NTSR2: variants seen among roughly 807,000 people sequenced by gnomAD.
The protein encoded by NTSR2 is neurotensin receptor type 2.
A neutral mutation model predicts 24.1 loss-of-function variants in NTSR2; 22 were observed. That is an observed-to-expected ratio of 0.91 (90% confidence interval 0.65 to 1.30). NTSR2 has a LOEUF of 1.30. Among genes scored for constraint, NTSR2 ranks in the 50% most tolerant of loss-of-function variants. The pLI, the probability that NTSR2 is intolerant of heterozygous loss-of-function variation, is 0.00. For missense variants in NTSR2, 570 were observed against 570.4 expected, an observed-to-expected ratio of 1.00 and a Z score of 0.01; for synonymous variants, 291 against 267.0, an observed-to-expected ratio of 1.09 and a Z score of -0.88.
chr2:11,669,934 C>A lies in NTSR2; in HGVS notation c.196G>T (p.Gly66Trp). The change falls in exon 1 of 4, where the codon GGG (glycine) becomes TGG (tryptophan). Residue 66 changes from glycine (G) to tryptophan (W), a missense_variant. Physicochemically the swap from Gly to Trp is radical, Grantham distance 184. Coordinates refer to ENST00000306928, the MANE Select transcript of NTSR2 (RefSeq NM_012344.4). ...CTGAGCACGTGGTGGCGCAGGCGCC[C>A]CGCGCGCCCGGCCCGCGCCTTCAGC... ...VVLKARAGRA[G>W]RLRHHVLSLA... The A allele has an allele frequency of 6.6e-7, 1 of 1,523,298 alleles. No homozygotes were observed. Among genetic ancestry groups the A allele is most frequent in the East Asian group, 2.5e-5 (1 of 40,482 alleles). 94.4% of individuals were successfully genotyped at this position (1,523,298 alleles called of 1,614,324 possible). A position where few individuals can be genotyped will look rare whatever the true frequency, so the allele number is the denominator to read the frequency against.
At chr2:11,667,571 C>T (rs917091710) in intron 1 of NTSR2, among the ~76,000 whole-genome samples, 1 of 152,208 alleles carries the variant, frequency 6.6e-6, no homozygotes, top group Non-Finnish European at 1.5e-5. Flanking sequence ...TCTCGAACTC[C>T]TGGCCTCAAC....
chr2:11,668,721 T>C (rs1661256584), intron 1 of NTSR2, among the ~76,000 whole-genome samples: 1 of 152,210 alleles, frequency 6.6e-6, no homozygotes, highest in South Asian at 2.1e-4. Flanking sequence ...CAGAGGACAC[T>C]GGCTTGTAGA....
At chr2:11,659,527 G>A (rs192665897) in intron 3 of NTSR2, among the ~76,000 whole-genome samples, 9 of 152,338 alleles carry the variant, frequency 5.9e-5, no homozygotes, top group East Asian at 1.9e-4. Flanking sequence ...CTGGGACCTC[G>A]ATTCTTTTGG....
intron 1 of NTSR2, among the ~76,000 whole-genome samples, chr2:11,664,129 A>ATT (rs36027827): frequency 0.49 from 70,421 of 143,266 alleles, 18,147 homozygotes; most frequent in South Asian, 0.64. Flanking sequence ...AACACTGAGC[A>ATT]TTTTTTTTTT....
Position 11,669,790 on chromosome 2 carries a change from C to T in NTSR2, c.340G>A (p.Val114Met), listed in dbSNP as rs1239619219. ...GDLGCRGYYF[V>M]HELCAYATVL... is the part of the protein sequence containing the mutation. ...GTGGCGTAGGCGCACAGCTCGTGCA[C>T]GAAGTAGTAGCCGCGGCAGCCCAGG... Residue 114 changes from valine (V) to methionine (M), a missense_variant, in exon 1 of 4, where the codon GTG becomes ATG. Coordinates refer to ENST00000306928, the MANE Select transcript of NTSR2 (RefSeq NM_012344.4). The T allele has an allele frequency of 6.4e-7, 1 of 1,555,874 alleles. No individual in the cohort carries two copies.
intron 1 of NTSR2, among the ~76,000 whole-genome samples, chr2:11,664,477 G>C (rs1661152488): frequency 6.6e-6 from 1 of 152,108 alleles, no homozygotes; most frequent in South Asian, 2.1e-4. Flanking sequence ...ATTGGACCCT[G>C]TGCCTTTTTA....
chr2:11,669,460 G>GGGGGGGGGGGGCCCCCCCCCCC, intron 1 of NTSR2, 46 bp downstream of exon 1: 8 of 254,722 alleles, frequency 3.1e-5, no homozygotes, highest in East Asian at 1.1e-4. Flanking sequence ...TCCCAGCACC[G>GGGGGGGGGGGGCCCCCCCCCCC]CCCCCCCACC....
At chr2:11,669,462 C>CGGGGG in intron 1 of NTSR2, 44 bp downstream of exon 1, 1 of 155,788 alleles carries the variant, frequency 6.4e-6, no homozygotes, top group East Asian at 1.7e-4. Context: ...CCAGCACCGC[C>CGGGGG]CCCCCACCCC....
chr2:11,662,637 T>C (rs962704024), intron 1 of NTSR2, among the ~76,000 whole-genome samples: 18 of 152,020 alleles, frequency 1.2e-4, no homozygotes, highest in Admixed American at 2.0e-4. Flanking sequence ...AAAAATTAGC[T>C]GGGCGTGGTA....
intron 1 of NTSR2, among the ~76,000 whole-genome samples, chr2:11,663,686 C>A (rs547601572): frequency 6.6e-6 from 1 of 152,282 alleles, no homozygotes; most frequent in Admixed American, 6.5e-5. Context: ...GATAGAATTA[C>A]ACTGGAAGGA....
intron 2 of NTSR2, among the ~76,000 whole-genome samples, chr2:11,660,455 C>G (rs145566961): frequency 6.6e-6 from 1 of 152,302 alleles, no homozygotes; most frequent in East Asian, 1.9e-4. Flanking sequence ...GGTTATCTAT[C>G]TGCATATACA....
At position 11,669,388 on chromosome 2, in the gene NTSR2, C is replaced by G. The variant is rs1572270958; in HGVS notation, c.624+118G>C. On this transcript the variant is annotated intron_variant, in intron 1 of 3. Transcript: ENST00000306928. ...GGACAGAGCAACAAGACCCAACTTG[C>G]TGGGTGGTGGCGAGCATTAGAGTCG... 3.3e-6 allele frequency: 3 copies of G among 901,268 alleles called. No individual in the cohort carries two copies. In the East Asian group the frequency reaches 9.5e-5, roughly 29 times the overall value. 55.8% of individuals were successfully genotyped at this position (901,268 alleles called of 1,614,324 possible).
In NTSR2 at chr2:11,662,140, G is replaced by C; in HGVS notation, c.725C>G (p.Ser242Cys). The C allele has an allele frequency of 6.2e-7, 1 of 1,609,414 alleles. No homozygotes were observed. Among genetic ancestry groups the C allele is most frequent in the East Asian group, 2.2e-5 (1 of 44,736 alleles). The change falls in exon 2 of 4, where the codon TCC becomes TGC. Residue 242 changes from serine to cysteine, a missense_variant. Transcript: ENST00000306928. ...HLLALCSQVP[S>C]TSTPGSSTPS... is the part of the protein sequence containing the mutation. ...GGTGGAGCTGCCCGGGGTAGAAGTGGACGGCACTTGGGAGCAGAGGGCCAG... is the reference window on the plus strand; with the variant it reads ...GGTGGAGCTGCCCGGGGTAGAAGTGCACGGCACTTGGGAGCAGAGGGCCAG...
rs570783713 is a variant in NTSR2, at chr2:11,662,674, G to A, written c.625-434C>T. ...CGGGCGCCTGTAGTCCCAGCTACTC[G>A]GGAGGCTGAGCCAGGAGAATGGTGT... On this transcript the variant is annotated intron_variant, in intron 1 of 3. Coordinates refer to ENST00000306928, the MANE Select transcript of NTSR2 (RefSeq NM_012344.4). 5.3e-5 allele frequency among the ~76,000 whole-genome samples: 8 copies of A among 152,232 alleles called. No individual in the cohort carries two copies. The South Asian group carries it at 6.2e-4, about 12-fold the overall frequency.
chr2:11,661,959 G>A lies in NTSR2; in HGVS notation c.898+8C>T, dbSNP rs760410271. The A allele has an allele frequency of 2.5e-6, 4 of 1,570,120 alleles. No individual in the cohort carries two copies. Among genetic ancestry groups the A allele is most frequent in the African/African-American group, 1.4e-5 (1 of 73,502 alleles). ...TTTCTTCTGGGGTGATGTTACAGAG[G>A]ACTTAACTGAGAACCTGGACGCTGC... On this transcript the variant is annotated splice_region_variant and intron_variant, in intron 2 of 3. Transcript: ENST00000306928.
chr2:11,658,554 T>TA lies in NTSR2; in HGVS notation c.1157dup (p.Leu386PhefsTer32), dbSNP rs1466280821. The stretch of plus-strand genomic sequence containing the variant: ...GGGTGGGACTCTGGGGCTTCGGGGG[T>TA]AACCGCTTCATGGGGTGGTGCTCTC... On this transcript the variant is annotated frameshift_variant, in exon 4 of 4. Coordinates refer to ENST00000306928, the MANE Select transcript of NTSR2 (RefSeq NM_012344.4). LOFTEE classifies it low-confidence loss of function (END_TRUNC). 6.2e-7 allele frequency: 1 copy of TA among 1,614,012 alleles called. No individual in the cohort carries two copies. Among genetic ancestry groups the TA allele is most frequent in the Non-Finnish European group, 8.5e-7 (1 of 1,180,022 alleles).
In NTSR2 at chr2:11,669,709, G is replaced by C; in HGVS notation, c.421C>G (p.Leu141Val). The C allele has an allele frequency of 6.5e-7, 1 of 1,529,822 alleles. No homozygotes were observed. Among genetic ancestry groups the C allele is most frequent in the Non-Finnish European group, 8.7e-7 (1 of 1,143,280 alleles). The allele number at this position is 1,529,822 out of a possible 1,614,324, so 94.8% of individuals were successfully genotyped here. A position where few individuals can be genotyped will look rare whatever the true frequency, so the allele number is the denominator to read the frequency against. The part of the protein sequence containing the change: ...AERCLAVCQP[L>V]RARSLLTPRR... ...GGCGTCAGCAGGCTGCGGGCACGCA[G>C]GGGCTGGCACACGGCTAGGCAGCGC... Residue 141 changes from leucine (L) to valine (V), a missense_variant, in exon 1 of 4, where the codon CTG (leucine) becomes GTG (valine). By Grantham distance (32) the Leu-to-Val change is conservative. Transcript: ENST00000306928.
In NTSR2 at chr2:11,658,654, A is replaced by G. The variant is rs1161035538; in HGVS notation, c.1058T>C (p.Val353Ala). The change falls in exon 4 of 4, where the codon GTG (valine) becomes GCG (alanine). Residue 353 changes from valine to alanine, a missense_variant. Physicochemically the swap from Val to Ala is moderately conservative, Grantham distance 64. Transcript: ENST00000306928. ...TNTLFYVSSAVTPLLYNAVSS... is the reference protein window; with the variant it reads ...TNTLFYVSSAATPLLYNAVSS... ...CACGGCGTTGTAGAGAAGAGGAGTC[A>G]CAGCTGAGCTGACGTAGAAAAGTGT... 1.9e-6 allele frequency: 3 copies of G among 1,614,064 alleles called. No homozygotes were observed. Among genetic ancestry groups the G allele is most frequent in the African/African-American group, 1.3e-5 (1 of 74,914 alleles).
rs35653499 is a variant in NTSR2 at position 11,660,054 on chromosome 2, G to T, written c.978C>A (p.Asp326Glu). Residue 326 changes from aspartate to glutamate, a missense_variant, in exon 3 of 4, where the codon GAC (aspartate) becomes GAA (glutamate). By Grantham distance (45) the Asp-to-Glu change is conservative. Transcript: ENST00000306928. ...TCTGCCACACTCACTCAGTCCACGCGTCATCAGGTACGTAGCAGTACATGA... is the reference window on the plus strand; with the variant it reads ...TCTGCCACACTCACTCAGTCCACGCTTCATCAGGTACGTAGCAGTACATGA... ...RRLMYCYVPDDAWTDPLYNFY... is the reference protein window; with the variant it reads ...RRLMYCYVPDEAWTDPLYNFY... 1.9e-6 allele frequency: 3 copies of T among 1,613,786 alleles called. No homozygotes were observed. Among genetic ancestry groups the T allele is most frequent in the Non-Finnish European group, 2.5e-6 (3 of 1,179,856 alleles).
Sources: allele counts gnomAD v4.1 joint callset (sites outside exome capture counted in the v4.1 genomes callset), GRCh38; gene constraint gnomAD v4.1.1; transcripts MANE v1.5; gene names NCBI Gene and HGNC (gene_info 2026-07-23, HGNC 2026-07-21).